The following TBC1D23 variants were observed in gnomAD, a reference collection of about 807,000 sequenced individuals.
TBC1D23 encodes HCV non-structural protein 4A-transactivated protein 1.
In TBC1D23, 55 loss-of-function variants were observed where a neutral mutation model predicts 91.4. That is an observed-to-expected ratio of 0.60 (90% CI 0.48 to 0.75). The LOEUF (loss-of-function observed/expected upper bound fraction) is 0.75. TBC1D23 is among the 30% of genes least tolerant of loss of function. The probability of loss-of-function intolerance (pLI) is 0.00; values close to 1 mark genes in which losing one functional copy is unlikely to be tolerated. For synonymous variants in TBC1D23, 289 were observed against 281.0 expected, an observed-to-expected ratio of 1.03 and a Z score of -0.28; for missense variants, 725 against 836.1, an observed-to-expected ratio of 0.87 and a Z score of 1.64.
At chr3:100,301,990 C>T in intron 10 of TBC1D23, 77 bp from the exon 11 acceptor site, 55 of 1,165,676 alleles carry the variant, frequency 4.7e-5, no homozygotes, top group Middle Eastern at 2.6e-4. Flanking sequence ...GGGGTTTTTC[C>T]TAAAAAAAAT....
intron 7 of TBC1D23, among the ~76,000 whole-genome samples, chr3:100,295,849 A>T (rs2067834593): frequency 1.3e-5 from 2 of 152,182 alleles, no homozygotes; most frequent in Non-Finnish European, 2.9e-5. Context: ...AAAGTTCTTT[A>T]AGTCAGTAAC....
chr3:100,268,042 C>G (rs1253063273), intron 1 of TBC1D23, among the ~76,000 whole-genome samples: 1 of 152,002 alleles, frequency 6.6e-6, no homozygotes, highest in East Asian at 1.9e-4. Context: ...CTTGGTGGCA[C>G]AAACCTGTAG....
At chr3:100,304,367 G>T (rs962633574) in intron 11 of TBC1D23, among the ~76,000 whole-genome samples, 1 of 151,340 alleles carries the variant, frequency 6.6e-6, no homozygotes, top group Admixed American at 6.6e-5. Context: ...TCTTTTTTGT[G>T]TTTCTCTTTT....
At chr3:100,299,727 TCTCGAA>T (rs1234186741) in intron 10 of TBC1D23, among the ~76,000 whole-genome samples, 6 of 152,180 alleles carry the variant, frequency 3.9e-5, no homozygotes, top group African/African-American at 1.4e-4. Flanking sequence ...GCCAGGCTGG[TCTCGAA>T]CTCCTGACCT....
intron 1 of TBC1D23, among the ~76,000 whole-genome samples, chr3:100,265,582 A>G (rs899720533): frequency 3.3e-5 from 5 of 152,324 alleles, no homozygotes; most frequent in Middle Eastern, 3.4e-3. Flanking sequence ...GGATTTGAAC[A>G]TATGTTCTCA....
intron 12 of TBC1D23, among the ~76,000 whole-genome samples, chr3:100,306,230 A>G (rs970929401): frequency 1.3e-5 from 2 of 152,230 alleles, no homozygotes; most frequent in Non-Finnish European, 2.9e-5. Flanking sequence ...ATCCGTGTAC[A>G]GAGGGTTTTA....
At chr3:100,304,028 G>C (rs1705476343) in intron 11 of TBC1D23, among the ~76,000 whole-genome samples, 1 of 152,074 alleles carries the variant, frequency 6.6e-6, no homozygotes, top group Non-Finnish European at 1.5e-5. Context: ...AATTTAACTA[G>C]TGTTCAAGTT....
At chr3:100,311,741 GA>G in intron 14 of TBC1D23, 91 bp from the exon 15 acceptor site, 3 of 881,056 alleles carry the variant, frequency 3.4e-6, no homozygotes, top group Non-Finnish European at 5.4e-6. Context: ...CTCTGGGTGA[GA>G]AAAACTAAAC....
intron 1 of TBC1D23, among the ~76,000 whole-genome samples, chr3:100,263,756 A>G (rs919325104): frequency 1.3e-5 from 2 of 152,196 alleles, no homozygotes; most frequent in African/African-American, 2.4e-5. Flanking sequence ...ACTGGCGGTA[A>G]CCAGCTCATA....
intron 1 of TBC1D23, among the ~76,000 whole-genome samples, chr3:100,264,974 A>G (rs1559798166): frequency 2.0e-5 from 3 of 152,326 alleles, no homozygotes; most frequent in South Asian, 2.1e-4. Flanking sequence ...GGGGTTGCCA[A>G]TTCTGGTGGT....
intron 1 of TBC1D23, among the ~76,000 whole-genome samples, chr3:100,270,567 A>G (rs2067591961): frequency 6.6e-6 from 1 of 152,142 alleles, no homozygotes; most frequent in Admixed American, 6.6e-5. Context: ...AGTAAATGTG[A>G]AAATTTTAAA....
chr3:100,324,859 G>C lies in TBC1D23; in HGVS notation c.*1191G>C, dbSNP rs1458189245. ...AATCTGACATGTCCTAAAATGTAAG[G>C]GATTATCTCTAAGGGGTTGATGGGA... On this transcript the variant is annotated 3_prime_UTR_variant, in exon 19 of 19. Coordinates refer to ENST00000394144, the MANE Select transcript of TBC1D23 (RefSeq NM_001199198.3). 6.6e-6 allele frequency: 1 copy of C among 152,154 alleles called. No individual in the cohort carries two copies. Among genetic ancestry groups the C allele is most frequent in the Non-Finnish European group, 1.5e-5 (1 of 68,018 alleles). The allele number at this position is 152,154 out of a possible 1,614,324, so 9.4% of individuals were successfully genotyped here.
intron 1 of TBC1D23, chr3:100,267,048 A>G (rs1324830769): frequency 4.8e-6 from 1 of 210,196 alleles, no homozygotes; most frequent in Non-Finnish European, 9.9e-6. Flanking sequence ...AGGAATGTGC[A>G]TTGTGGTGCC....
chr3:100,291,008 T>G (rs551683309), intron 5 of TBC1D23, among the ~76,000 whole-genome samples: 3 of 152,332 alleles, frequency 2.0e-5, no homozygotes, highest in Non-Finnish European at 4.4e-5. Flanking sequence ...AATATGAATA[T>G]GTACATGTAA....
chr3:100,294,674 T>G (rs1365538718), intron 5 of TBC1D23, among the ~76,000 whole-genome samples: 1 of 152,216 alleles, frequency 6.6e-6, no homozygotes, highest in Non-Finnish European at 1.5e-5. Context: ...ACAATTACCT[T>G]GTAATTTAAA....
chr3:100,290,497 G>T, intron 4 of TBC1D23, 81 bp from the exon 5 acceptor site: 2 of 1,239,866 alleles, frequency 1.6e-6, no homozygotes, highest in African/African-American at 3.0e-5. Context: ...TGCTGTGGAG[G>T]GTATAGCAGG....
In TBC1D23 at chr3:100,290,587, C is replaced by T. The variant is rs2148858666; in HGVS notation, c.486C>T (p.Ser162=). The change falls in exon 5 of 19, where the codon TCC becomes TCT. Residue 162 remains serine, a synonymous_variant. Transcript: ENST00000394144. ...IMNKYIPRDC[S]QKGRPFHLFR... The stretch of plus-strand genomic sequence containing the variant: ...TTCTCTTGTCTTCTAGGGATTGTTC[C>T]CAGAAAGGGAGACCATTTCATCTCT... 1.2e-6 allele frequency: 2 copies of T among 1,613,352 alleles called. No individual in the cohort carries two copies. Among genetic ancestry groups the T allele is most frequent in the East Asian group, 4.5e-5 (2 of 44,830 alleles).
At chr3:100,290,421 A>G (rs955533589) in intron 4 of TBC1D23, among the ~76,000 whole-genome samples, 157 bp from the exon 5 acceptor site, 9 of 152,348 alleles carry the variant, frequency 5.9e-5, no homozygotes, top group East Asian at 1.9e-4. Context: ...TTGTCAAGTC[A>G]GGGACATTGA....
chr3:100,295,459 C>G, intron 7 of TBC1D23, 111 bp downstream of exon 7: 1 of 774,864 alleles, frequency 1.3e-6, no homozygotes, highest in South Asian at 2.0e-5. Context: ...CTCTGAGGCT[C>G]CATTCAACTC....
Sources: allele counts gnomAD v4.1 joint callset (sites outside exome capture counted in the v4.1 genomes callset), GRCh38; gene constraint gnomAD v4.1.1; transcripts MANE v1.5; gene names NCBI Gene and HGNC (gene_info 2026-07-23, HGNC 2026-07-21).